The following CSMD1 variants were observed in gnomAD, a reference collection of about 807,000 sequenced individuals.
CSMD1 encodes CUB and Sushi multiple domains 1.
CSMD1 carries 213 observed loss-of-function variants against 417.5 expected under a neutral mutation model. That is an observed-to-expected ratio of 0.51 (90% CI 0.46 to 0.57). CSMD1 has a LOEUF of 0.57. Among genes scored for constraint, CSMD1 ranks in the 20% least tolerant of loss-of-function variants. The pLI is 0.00. For synonymous variants in CSMD1, 2,862 were observed against 1,736.8 expected, an observed-to-expected ratio of 1.65 and a Z score of -16.11; for missense variants, 6,923 against 4,529.7, an observed-to-expected ratio of 1.53 and a Z score of -15.17.
At chr8:4,498,803 G>A (rs1318803949) in intron 2 of CSMD1, among the ~76,000 whole-genome samples, 2 of 152,030 alleles carry the variant, frequency 1.3e-5, no homozygotes, top group Non-Finnish European at 2.9e-5. Context: ...AGTTATTACC[G>A]AGATTCCCCC....
At chr8:3,323,605 C>T (rs1806295023) in intron 23 of CSMD1, among the ~76,000 whole-genome samples, 1 of 152,200 alleles carries the variant, frequency 6.6e-6, no homozygotes, top group African/African-American at 2.4e-5. Flanking sequence ...AATTTTATAG[C>T]ATTTCAGTAC....
chr8:4,410,501 A>C (rs1333777319), intron 3 of CSMD1, among the ~76,000 whole-genome samples: 2 of 152,234 alleles, frequency 1.3e-5, no homozygotes, highest in Non-Finnish European at 2.9e-5. Flanking sequence ...ATTTCTAGTT[A>C]CTGTATAAGA....
chr8:4,111,059 C>G (rs112042501), intron 3 of CSMD1, among the ~76,000 whole-genome samples: 1 of 152,006 alleles, frequency 6.6e-6, no homozygotes, highest in East Asian at 1.9e-4. Flanking sequence ...AACCTTGCAC[C>G]GCATGGAAAA....
chr8:3,432,429 C>T (rs910825704), intron 12 of CSMD1, among the ~76,000 whole-genome samples: 8 of 148,986 alleles, frequency 5.4e-5, no homozygotes, highest in South Asian at 2.1e-4. Context: ...GTCTTTGGTG[C>T]AAAAATAGAA....
chr8:3,407,817 C>T (rs1049365099), intron 14 of CSMD1, 82 bp downstream of exon 14: 4 of 1,189,140 alleles, frequency 3.4e-6, no homozygotes, highest in South Asian at 1.6e-5. Flanking sequence ...CCTTGAAATG[C>T]AACTTCACAT....
chr8:3,955,950 C>G (rs1043520883), intron 5 of CSMD1, among the ~76,000 whole-genome samples: 1 of 152,166 alleles, frequency 6.6e-6, no homozygotes, highest in African/African-American at 2.4e-5. Context: ...CCCAACACCA[C>G]GCCCAACTAA....
At chr8:4,068,578 G>T (rs1035097013) in intron 3 of CSMD1, among the ~76,000 whole-genome samples, 9 of 152,170 alleles carry the variant, frequency 5.9e-5, no homozygotes, top group Non-Finnish European at 5.9e-5. Flanking sequence ...CTTCTCAAAT[G>T]AGGTGTTTGT....
At chr8:4,038,463 G>T (rs918989011) in intron 3 of CSMD1, among the ~76,000 whole-genome samples, 2 of 152,228 alleles carry the variant, frequency 1.3e-5, no homozygotes, top group Admixed American at 1.3e-4. Flanking sequence ...GTAATTTAGT[G>T]TTCGAGAAAA....
At chr8:4,522,856 T>C (rs866174681) in intron 2 of CSMD1, among the ~76,000 whole-genome samples, 17 of 152,304 alleles carry the variant, frequency 1.1e-4, no homozygotes, top group African/African-American at 4.1e-4. Flanking sequence ...CAGGGAACCA[T>C]GCCCTGGCTA....
At position 4,041,018 on chromosome 8, in the gene CSMD1, T is replaced by TG. The variant is rs1491207249; in HGVS notation, c.416-8920_416-8919insC. ...TTCTTTTCTTTCTTTTTTTTTTTCC[T>TG]TTTTTTTTTTTTTTTTGAGACGGAG... On this transcript the variant is annotated intron_variant, in intron 3 of 69. Transcript: ENST00000635120. Among the ~76,000 whole-genome samples, 11 of 34,770 alleles carry TG rather than the reference T, an allele frequency of 3.2e-4. No homozygotes were observed. In the East Asian group the frequency reaches 0.026, roughly 83 times the overall value. 22.8% of individuals were successfully genotyped at this position (34,770 alleles called of 152,430 possible).
At chr8:3,650,956 T>C (rs937075021) in intron 7 of CSMD1, among the ~76,000 whole-genome samples, 3 of 152,198 alleles carry the variant, frequency 2.0e-5, no homozygotes, top group Non-Finnish European at 1.5e-5. Context: ...TCGCCCACTA[T>C]ATTTCCCTAT....
rs371412049 is a variant in CSMD1 at position 3,983,852 on chromosome 8, G to C, written c.818+14051C>G. Among the ~76,000 whole-genome samples the C allele has an allele frequency of 3.8e-4, 58 of 151,250 alleles. No individual in the cohort carries two copies. In the East Asian group the frequency reaches 0.01, roughly 27 times the overall value. On this transcript the variant is annotated intron_variant, in intron 5 of 69. Coordinates refer to ENST00000635120, the MANE Select transcript of CSMD1 (RefSeq NM_033225.6). ...TGGCAGATCTGGCCGGCTGTCAATTGCAACTCTAGAGCACACAGCAGATCT... is the reference window on the plus strand; with the variant it reads ...TGGCAGATCTGGCCGGCTGTCAATTCCAACTCTAGAGCACACAGCAGATCT...
intron 5 of CSMD1, among the ~76,000 whole-genome samples, chr8:3,832,095 C>A (rs1429115251): frequency 6.6e-6 from 1 of 152,126 alleles, no homozygotes; most frequent in African/African-American, 2.4e-5. Flanking sequence ...GTGTGGAATC[C>A]TGCCTTATGT....
At chr8:3,350,020 T>C (rs1239742639) in intron 21 of CSMD1, among the ~76,000 whole-genome samples, 2 of 145,446 alleles carry the variant, frequency 1.4e-5, no homozygotes, top group African/African-American at 5.1e-5. Flanking sequence ...TAATAACTTG[T>C]GTATGTGTGT....
At chr8:4,941,325 G>A (rs949638725) in intron 1 of CSMD1, among the ~76,000 whole-genome samples, 4 of 151,468 alleles carry the variant, frequency 2.6e-5, no homozygotes, top group African/African-American at 4.9e-5. Flanking sequence ...TAAAGCACAC[G>A]CTTCATAATA....
chr8:4,181,367 ATTTT>A (rs397790425), intron 3 of CSMD1, among the ~76,000 whole-genome samples: 7 of 150,292 alleles, frequency 4.7e-5, no homozygotes, highest in African/African-American at 7.4e-5. Flanking sequence ...TTATTTATTT[ATTTT>A]TTTTTTGAAT....
chr8:3,256,358 A>G (rs961142640), intron 26 of CSMD1, among the ~76,000 whole-genome samples: 6 of 151,912 alleles, frequency 3.9e-5, no homozygotes, highest in South Asian at 2.1e-4. Flanking sequence ...GGAAGGAAAC[A>G]AACCACAACT....
intron 3 of CSMD1, among the ~76,000 whole-genome samples, chr8:4,192,121 A>T (rs1799067380): frequency 6.6e-6 from 1 of 152,176 alleles, no homozygotes; most frequent in African/African-American, 2.4e-5. Flanking sequence ...GATCATCTGC[A>T]TTGCAAATAT....
intron 3 of CSMD1, among the ~76,000 whole-genome samples, chr8:4,271,402 G>C (rs566097781): frequency 6.6e-6 from 1 of 152,212 alleles, no homozygotes; most frequent in South Asian, 2.1e-4. Context: ...ACGTAGCTTT[G>C]CCTGATGCCC....
Sources: allele counts gnomAD v4.1 joint callset (sites outside exome capture counted in the v4.1 genomes callset), GRCh38; gene constraint gnomAD v4.1.1; transcripts MANE v1.5; gene names NCBI Gene and HGNC (gene_info 2026-07-23, HGNC 2026-07-21).